QTGAL: variants seen among roughly 807,000 people sequenced by gnomAD.
QTGAL encodes the protein queuosine-tRNA galactosyltransferase.
the QTGAL span, among the ~76,000 whole-genome samples, chr17:82,954,148 A>G: frequency 6.6e-6 from 1 of 152,190 alleles, no homozygotes; most frequent in Admixed American, 6.5e-5. Context: ...GGCCAGGGCA[A>G]TCAGGCAAGA....
At chr17:83,030,049 G>A in the QTGAL span, among the ~76,000 whole-genome samples, 3,431 of 152,270 alleles carry the variant, frequency 0.023, 104 homozygotes, top group African/African-American at 0.071. Flanking sequence ...ACAGAGACAA[G>A]TAAAACGGGC....
At chr17:83,047,658 A>G in the QTGAL span, among the ~76,000 whole-genome samples, 1 of 125,272 alleles carries the variant, frequency 8.0e-6, no homozygotes. Flanking sequence ...AGAATAAGAA[A>G]CTTAGGTCTA....
the QTGAL span, among the ~76,000 whole-genome samples, chr17:83,029,875 C>G: frequency 6.6e-6 from 1 of 152,228 alleles, no homozygotes; most frequent in African/African-American, 2.4e-5. Flanking sequence ...TGCCAGTCAG[C>G]TTCTCTCTTG....
chr17:82,999,950 G>A, the QTGAL span, among the ~76,000 whole-genome samples: 133 of 151,970 alleles, frequency 8.8e-4, no homozygotes, highest in African/African-American at 2.6e-3. Context: ...GGTTTTTTTT[G>A]TTGTTGTTTT....
chr17:82,978,079 C>T, the QTGAL span, among the ~76,000 whole-genome samples: 120 of 152,224 alleles, frequency 7.9e-4, 1 homozygote, highest in South Asian at 7.7e-3. This position sits in a 1 kb window ranked among gnomAD's most constrained non-coding sequence, Gnocchi z 4.8. Context: ...CGTTGCTCCC[C>T]GAGTAATTCC....
chr17:83,040,121 G>C, the QTGAL span, among the ~76,000 whole-genome samples: 1 of 152,198 alleles, frequency 6.6e-6, no homozygotes, highest in Non-Finnish European at 1.5e-5. Context: ...ATGTGTCTCA[G>C]AATCTTCTGG....
At chr17:83,036,094 C>T in the QTGAL span, among the ~76,000 whole-genome samples, 1 of 152,212 alleles carries the variant, frequency 6.6e-6, no homozygotes, top group Non-Finnish European at 1.5e-5. Flanking sequence ...GCGGCGTAAA[C>T]CCAGCAGAAC....
the QTGAL span, among the ~76,000 whole-genome samples, chr17:83,035,468 C>T: frequency 6.6e-6 from 1 of 152,116 alleles, no homozygotes; most frequent in Non-Finnish European, 1.5e-5. Context: ...CGCACCCGCC[C>T]AATATACGAT....
the QTGAL span, among the ~76,000 whole-genome samples, chr17:82,964,461 AAAC>A: frequency 6.6e-6 from 1 of 152,190 alleles, no homozygotes; most frequent in Non-Finnish European, 1.5e-5. Flanking sequence ...AAAACACAAA[AAAC>A]AATAGACATA....
the QTGAL span, among the ~76,000 whole-genome samples, chr17:83,027,639 C>T: frequency 1.5e-5 from 2 of 133,944 alleles, no homozygotes; most frequent in African/African-American, 2.9e-5. Flanking sequence ...GAGGCTGAGG[C>T]TACAGTGAGT....
the QTGAL span, among the ~76,000 whole-genome samples, chr17:82,992,648 A>C: frequency 6.6e-6 from 1 of 152,224 alleles, no homozygotes; most frequent in African/African-American, 2.4e-5. Flanking sequence ...TGCTAATATG[A>C]GTACACAGAA....
the QTGAL span, among the ~76,000 whole-genome samples, chr17:82,960,872 G>A: frequency 3.3e-3 from 500 of 152,358 alleles, 4 homozygotes; most frequent in African/African-American, 0.011. Context: ...ATGCCCCTTC[G>A]TGGACGCCGA....
chr17:83,005,034 A>G, the QTGAL span: 1 of 1,193,528 alleles, frequency 8.4e-7, no homozygotes, highest in Non-Finnish European at 1.2e-6. The surrounding 1 kb of genome is among the most constrained non-coding windows in gnomAD (Gnocchi z 5.6). Context: ...ACGCAGACAC[A>G]AGAGGCCACA....
chr17:83,043,734 G>C, the QTGAL span, among the ~76,000 whole-genome samples: 2 of 151,756 alleles, frequency 1.3e-5, no homozygotes, highest in Non-Finnish European at 2.9e-5. Context: ...CTTTGAAGAG[G>C]GTCAACAAAA....
At chr17:82,945,984 A>G in the QTGAL span, 2 of 152,190 alleles carry the variant, frequency 1.3e-5, no homozygotes, top group Non-Finnish European at 2.9e-5. Context: ...ACAGCAGCAT[A>G]TAAATCAGTG....
chr17:83,011,099 G>T, the QTGAL span, among the ~76,000 whole-genome samples: 1 of 152,250 alleles, frequency 6.6e-6, no homozygotes, highest in African/African-American at 2.4e-5. Flanking sequence ...GACCAAGAAT[G>T]CAGGCTTTCC....
the QTGAL span, among the ~76,000 whole-genome samples, chr17:83,017,600 C>T: frequency 7.1e-4 from 108 of 152,104 alleles, no homozygotes; most frequent in Non-Finnish European, 1.3e-3. Context: ...CCAGCCTGGG[C>T]GACAGAGAGA....
At chr17:82,971,521 C>A in the QTGAL span, among the ~76,000 whole-genome samples, 1 of 152,060 alleles carries the variant, frequency 6.6e-6, no homozygotes, top group Non-Finnish European at 1.5e-5. Flanking sequence ...AGGCGAGGAC[C>A]AGCAGAAAGA....
chr17:82,959,708 CTG>C, the QTGAL span, among the ~76,000 whole-genome samples: 6 of 151,726 alleles, frequency 4.0e-5, no homozygotes, highest in Admixed American at 2.0e-4. Context: ...CGGGGGGCCT[CTG>C]TGGCCGTGGG....
Sources: allele counts gnomAD v4.1 joint callset (sites outside exome capture counted in the v4.1 genomes callset), GRCh38; gene constraint gnomAD v4.1.1; non-coding constraint Gnocchi (gnomAD v3.1); transcripts MANE v1.5; gene names NCBI Gene and HGNC (gene_info 2026-07-23, HGNC 2026-07-21).